GRIN2D: variants seen among roughly 807,000 people sequenced by gnomAD.
GRIN2D encodes the protein glutamate receptor ionotropic, NMDA 2D.
GRIN2D carries 37 observed loss-of-function variants against 103.2 expected under a neutral mutation model. The observed-to-expected ratio is 0.36, with a 90% CI of 0.28 to 0.47. The LOEUF (loss-of-function observed/expected upper bound fraction) is 0.47, where lower values mean the gene tolerates loss of function less well. Among genes scored for constraint, GRIN2D ranks in the 20% least tolerant of loss-of-function variants. GRIN2D has a pLI of 1.00. For synonymous variants in GRIN2D, 845 were observed against 885.6 expected (o/e 0.95, Z 0.81); for missense variants, 1,557 against 1,910.6 (o/e 0.81, Z 3.45).
In GRIN2D at chr19:48,419,224, T is replaced by C. The variant is rs751795250; in HGVS notation, c.1736-10T>C. The stretch of plus-strand genomic sequence containing the variant: ...GGCTGAGCCATAACCACGCACTCCC[T>C]TGTCCCCAGAGCCCTACAGCCCCGC... On this transcript the variant is annotated splice_polypyrimidine_tract_variant and intron_variant, in intron 8 of 13. Coordinates refer to ENST00000263269, the MANE Select transcript of GRIN2D (RefSeq NM_000836.4). 1.3e-5 allele frequency: 21 copies of C among 1,601,362 alleles called. No individual in the cohort carries two copies. The South Asian group carries it at 1.8e-4, about 13-fold the overall frequency.
At chr19:48,418,934 A>T (rs1970979776) in intron 8 of GRIN2D, among the ~76,000 whole-genome samples, 1 of 152,090 alleles carries the variant, frequency 6.6e-6, no homozygotes, top group Non-Finnish European at 1.5e-5. Context: ...GTGTGCCATA[A>T]GACTATCTTG....
intron 3 of GRIN2D, among the ~76,000 whole-genome samples, chr19:48,401,785 T>C (rs1444654698): frequency 6.6e-6 from 1 of 152,150 alleles, no homozygotes; most frequent in African/African-American, 2.4e-5. Flanking sequence ...GTTTGGAGAA[T>C]AGACTGGAAG....
chr19:48,443,613 G>C lies in GRIN2D; in HGVS notation c.3687G>C (p.Pro1229=). 9.0e-7 allele frequency: 1 copy of C among 1,105,330 alleles called. No individual in the cohort carries two copies. Among genetic ancestry groups the C allele is most frequent in the Non-Finnish European group, 1.1e-6 (1 of 909,628 alleles). 68.5% of individuals were successfully genotyped at this position (1,105,330 alleles called of 1,614,324 possible). The stretch of plus-strand genomic sequence containing the variant: ...GACGCCGGGCCCGCTGCGGGTGCCC[G>C]CGGTCGCACCCGCACCGCCCGCGGG... ...LPRRRARCGC[P]RSHPHRPRAS... Residue 1229 remains proline, a synonymous_variant, in exon 14 of 14, where the codon CCG becomes CCC. Transcript: ENST00000263269. This position sits in a 1 kb window ranked among gnomAD's most constrained non-coding sequence, Gnocchi z 8.9.
intron 8 of GRIN2D, among the ~76,000 whole-genome samples, chr19:48,418,250 C>G (rs1023531848): frequency 1.2e-4 from 18 of 151,914 alleles, no homozygotes; most frequent in Non-Finnish European, 2.1e-4. Flanking sequence ...CCAGGCTGGT[C>G]TTGAACTCCT....
At chr19:48,429,181 T>C (rs1971125807) in intron 11 of GRIN2D, among the ~76,000 whole-genome samples, 2 of 152,174 alleles carry the variant, frequency 1.3e-5, no homozygotes, top group Non-Finnish European at 2.9e-5. Context: ...TTATCAGAGT[T>C]CTCCATCCAC....
chr19:48,411,332 T>TAATA (rs1970857459), intron 4 of GRIN2D, among the ~76,000 whole-genome samples: 1 of 51,934 alleles, frequency 1.9e-5, no homozygotes, highest in African/African-American at 6.9e-5. Context: ...CTCAAAATAA[T>TAATA]AATAATAATA....
At chr19:48,398,103 A>C (rs1293761745) in intron 2 of GRIN2D, among the ~76,000 whole-genome samples, 128 of 109,858 alleles carry the variant, frequency 1.2e-3, no homozygotes, top group Middle Eastern at 4.8e-3. Flanking sequence ...TCTCCCCTCC[A>C]TCTCTCTCTA....
At chr19:48,436,291 C>T (rs1799284) in intron 11 of GRIN2D, among the ~76,000 whole-genome samples, 133,961 of 151,998 alleles carry the variant, frequency 0.88, 59,314 homozygotes, top group Middle Eastern at 0.91. Context: ...GACTCACAGG[C>T]GGTCGAAGTG....
intron 11 of GRIN2D, among the ~76,000 whole-genome samples, chr19:48,440,229 T>A (rs1420548053): frequency 4.0e-5 from 6 of 151,346 alleles, no homozygotes; most frequent in South Asian, 2.1e-4. Context: ...AAAAAATAAA[T>A]AAATAAATAA....
At chr19:48,441,263 T>G (rs751316879) in intron 11 of GRIN2D, among the ~76,000 whole-genome samples, 4 of 148,058 alleles carry the variant, frequency 2.7e-5, no homozygotes, top group South Asian at 2.1e-4. Context: ...CTTGGGAGGC[T>G]GAGGCAGGAG....
chr19:48,418,226 T>C (rs1398827053), intron 8 of GRIN2D, among the ~76,000 whole-genome samples: 1 of 151,596 alleles, frequency 6.6e-6, no homozygotes, highest in African/African-American at 2.4e-5. Context: ...AGAGATGGGG[T>C]TTCACCATGT....
At position 48,443,112 on chromosome 19, in the gene GRIN2D, G is replaced by C; in HGVS notation, c.3186G>C (p.Pro1062=). 9.8e-7 allele frequency: 1 copy of C among 1,018,470 alleles called. No individual in the cohort carries two copies. The highest frequency in any genetic ancestry group is 5.3e-5 in the Admixed American group (1 of 18,970). 63.1% of individuals were successfully genotyped at this position (1,018,470 alleles called of 1,614,324 possible). ...DESPPAPARW[P]RSDPESQPLL... is the part of the protein sequence containing the mutation. The stretch of plus-strand genomic sequence containing the variant: ...GCCCGCCGGCGCCCGCGCGGTGGCC[G>C]CGCTCGGACCCCGAGAGCCAACCCC... The change falls in exon 14 of 14, where the codon CCG becomes CCC. Residue 1062 remains proline, a synonymous_variant. Transcript: ENST00000263269. This position sits in a 1 kb window ranked among gnomAD's most constrained non-coding sequence, Gnocchi z 8.9.
intron 11 of GRIN2D, among the ~76,000 whole-genome samples, chr19:48,434,550 G>A (rs1402675920): frequency 1.3e-5 from 2 of 151,976 alleles, no homozygotes; most frequent in African/African-American, 2.4e-5. Flanking sequence ...GAGCCACCAT[G>A]CCTGGCCCAC....
intron 11 of GRIN2D, among the ~76,000 whole-genome samples, chr19:48,427,140 C>A (rs1472975841): frequency 6.6e-6 from 1 of 151,668 alleles, no homozygotes; most frequent in African/African-American, 2.4e-5. Flanking sequence ...GCCAACATGG[C>A]GAAACCCTGT....
chr19:48,442,509 G>A lies in GRIN2D; in HGVS notation c.2674-91G>A, dbSNP rs1467495227. ...GGGGAAGAGAGCGGGAAACACAGGC[G>A]GGTAAATGGAGAGGAGAGAGGGACT... On this transcript the variant is annotated intron_variant, in intron 13 of 13. Transcript: ENST00000263269. The surrounding 1 kb of genome is among the most constrained non-coding windows in gnomAD (Gnocchi z 7.2). The A allele has an allele frequency of 3.4e-6, 5 of 1,492,258 alleles. No homozygotes were observed. The highest frequency in any genetic ancestry group is 2.6e-5 in the South Asian group (2 of 77,464). The allele number at this position is 1,492,258 out of a possible 1,614,324, so 92.4% of individuals were successfully genotyped here.
At chr19:48,427,367 G>A (rs773877155) in intron 11 of GRIN2D, among the ~76,000 whole-genome samples, 46 of 91,214 alleles carry the variant, frequency 5.0e-4, no homozygotes, top group Non-Finnish European at 1.0e-3. Flanking sequence ...ATCCAAAGTG[G>A]TTGTACCAAT....
In GRIN2D at chr19:48,443,902, T is replaced by A. The variant is rs1226282475; in HGVS notation, c.3976T>A (p.Ser1326Thr). The change falls in exon 14 of 14, where the codon TCG (serine) becomes ACG (threonine). Residue 1326 changes from serine to threonine, a missense_variant. By Grantham distance (58) the Ser-to-Thr change is moderately conservative. Around this residue, in one of 7 missense-constraint regions of GRIN2D, gnomAD observed 88 missense variants for 84.3 expected, o/e 1.04. Coordinates refer to ENST00000263269, the MANE Select transcript of GRIN2D (RefSeq NM_000836.4). This position sits in a 1 kb window ranked among gnomAD's most constrained non-coding sequence, Gnocchi z 8.9. Reference sequence around the variant, plus strand: ...CGGGGACCTGGGCACCCGCAGGGGCTCGGCGCACTTCTCTAGCCTCGAGTC... The same window carrying A: ...CGGGGACCTGGGCACCCGCAGGGGCACGGCGCACTTCTCTAGCCTCGAGTC... ...RGGDLGTRRGSAHFSSLESEV is the reference protein window; with the variant it reads ...RGGDLGTRRGTAHFSSLESEV 1.4e-6 allele frequency: 2 copies of A among 1,456,444 alleles called. No homozygotes were observed. Among genetic ancestry groups the A allele is most frequent in the Non-Finnish European group, 1.8e-6 (2 of 1,109,128 alleles). The allele number at this position is 1,456,444 out of a possible 1,614,324, so 90.2% of individuals were successfully genotyped here.
At chr19:48,395,262 C>A (rs1483981942) in intron 2 of GRIN2D, among the ~76,000 whole-genome samples, 1 of 151,448 alleles carries the variant, frequency 6.6e-6, no homozygotes, top group Non-Finnish European at 1.5e-5. Flanking sequence ...CTCCCTGTAC[C>A]CCCCTCCCTG....
intron 2 of GRIN2D, among the ~76,000 whole-genome samples, chr19:48,396,404 C>T (rs1325425252): frequency 2.6e-5 from 4 of 151,920 alleles, no homozygotes; most frequent in Admixed American, 6.5e-5. Context: ...GGGAGTGGGA[C>T]GCGGGGTCCC....
Sources: gnomAD v4.1 joint callset for allele counts (sites outside exome capture counted in the v4.1 genomes callset) on GRCh38, gnomAD v4.1.1 for gene constraint, gnomAD v4.1.1 regional missense constraint, Gnocchi (gnomAD v3.1) non-coding constraint, MANE v1.5 for transcripts, NCBI Gene and HGNC (gene_info 2026-07-23, HGNC 2026-07-21) for gene names.